STT3B: variants seen among roughly 807,000 people sequenced by gnomAD.
The protein encoded by STT3B is dolichyl-diphosphooligosaccharide--protein glycosyltransferase subunit STT3B.
STT3B carries 29 observed loss-of-function variants against 96.8 expected under a neutral mutation model. The ratio of observed to expected loss-of-function variants is 0.30; its 90% CI spans 0.22 to 0.41. The LOEUF is 0.41. Ranked by LOEUF, STT3B falls within the 10% of genes least tolerant of loss-of-function variation. The pLI is 1.00. For missense variants in STT3B, 640 were observed against 1,022.3 expected (o/e 0.63, Z 5.10); for synonymous variants, 367 against 360.0 (o/e 1.02, Z -0.22).
At chr3:31,629,023 T>G (rs1429112026) in intron 13 of STT3B, among the ~76,000 whole-genome samples, 1 of 152,136 alleles carries the variant, frequency 6.6e-6, no homozygotes, top group African/African-American at 2.4e-5. Flanking sequence ...GGAGGATTGC[T>G]TGAGCCCAGG....
At position 31,560,972 on chromosome 3, in the gene STT3B, G is replaced by T. The variant is rs1309569424; in HGVS notation, c.315-15424G>T. 2.0e-5 allele frequency among the ~76,000 whole-genome samples: 3 copies of T among 151,850 alleles called. No homozygotes were observed. In the East Asian group the frequency reaches 5.8e-4, roughly 29 times the overall value. Reference sequence around the variant, plus strand: ...TATTTCTTTATTTTTGTCTGACTAGGTTATTTCAAAAGACTTGTCTAAGTT... The same window carrying T: ...TATTTCTTTATTTTTGTCTGACTAGTTTATTTCAAAAGACTTGTCTAAGTT... On this transcript the variant is annotated intron_variant, in intron 1 of 15. Coordinates refer to ENST00000295770, the MANE Select transcript of STT3B (RefSeq NM_178862.3).
chr3:31,627,055 G>C (rs1196798242), intron 13 of STT3B, among the ~76,000 whole-genome samples: 1 of 152,026 alleles, frequency 6.6e-6, no homozygotes, highest in Non-Finnish European at 1.5e-5. Context: ...CTCTCCAAAA[G>C]CCCTTTTCTG....
chr3:31,626,067 T>C lies in STT3B; in HGVS notation c.2013T>C (p.Asp671=), dbSNP rs771254004. 1 of 1,613,840 alleles carries C rather than the reference T, an allele frequency of 6.2e-7. No individual in the cohort carries two copies. The highest frequency in any genetic ancestry group is 1.7e-5 in the Admixed American group (1 of 60,020). The change falls in exon 13 of 16, where the codon GAT becomes GAC. Residue 671 remains aspartate, a synonymous_variant. Coordinates refer to ENST00000295770, the MANE Select transcript of STT3B (RefSeq NM_178862.3). ...GGGTTATTGGCTATTCTGGTGATGA[T>C]ATCAACAAATTTCTCTGGATGGTTA... The part of the protein sequence containing the change: ...FGGVIGYSGD[D]INKFLWMVRI...
rs1355979541 is a variant in STT3B at position 31,622,217 on chromosome 3, A to G, written c.1448A>G (p.Tyr483Cys). 1 of 1,614,106 alleles carries G rather than the reference A, an allele frequency of 6.2e-7. No individual in the cohort carries two copies. The highest frequency in any genetic ancestry group is 2.2e-5 in the East Asian group (1 of 44,874). Residue 483 changes from tyrosine to cysteine, a missense_variant, in exon 10 of 16, where the codon TAT (tyrosine) becomes TGT (cysteine). Tyr to Cys is a radical substitution (Grantham distance 194). Coordinates refer to ENST00000295770, the MANE Select transcript of STT3B (RefSeq NM_178862.3). ...GCCTTTTCAAATGTTTTTGAGCACTATTTGGGGGATGACATGAAAAGGGAA... is the reference window on the plus strand; with the variant it reads ...GCCTTTTCAAATGTTTTTGAGCACTGTTTGGGGGATGACATGAAAAGGGAA... Reference protein sequence around the residue: ...AIAFSNVFEHYLGDDMKRENP... With the variant: ...AIAFSNVFEHCLGDDMKRENP...
At chr3:31,604,031 T>C (rs1559382845) in intron 5 of STT3B, among the ~76,000 whole-genome samples, 1 of 152,166 alleles carries the variant, frequency 6.6e-6, no homozygotes, top group Non-Finnish European at 1.5e-5. Flanking sequence ...TAGATTAGGT[T>C]AGTAATTTAA....
chr3:31,616,516 A>G (rs1699309626), intron 6 of STT3B, among the ~76,000 whole-genome samples: 1 of 151,904 alleles, frequency 6.6e-6, no homozygotes, highest in South Asian at 2.1e-4. Flanking sequence ...ATATATCAAG[A>G]TTATCCTGAT....
intron 1 of STT3B, among the ~76,000 whole-genome samples, chr3:31,545,285 T>C (rs1697377907): frequency 6.6e-6 from 1 of 152,222 alleles, no homozygotes; most frequent in Non-Finnish European, 1.5e-5. Context: ...AATACTTTAT[T>C]TTGGCTGTTA....
chr3:31,583,207 T>C (rs1698451046), intron 3 of STT3B, among the ~76,000 whole-genome samples: 1 of 152,238 alleles, frequency 6.6e-6, no homozygotes, highest in Admixed American at 6.5e-5. Flanking sequence ...TTTGATGGTC[T>C]GTTATCAGGT....
At chr3:31,624,851 T>A in intron 11 of STT3B, 63 bp from the exon 12 acceptor site, 1 of 1,367,978 alleles carries the variant, frequency 7.3e-7, no homozygotes, top group Non-Finnish European at 1.0e-6. Context: ...TACCTCAAGA[T>A]TTTAAGTTAG....
At chr3:31,623,543 G>C (rs1699472502) in intron 10 of STT3B, 131 bp from the exon 11 acceptor site, 1 of 678,946 alleles carries the variant, frequency 1.5e-6, no homozygotes, top group Non-Finnish European at 2.4e-6. Context: ...AAGAATATCT[G>C]ATGGTTATAC....
At chr3:31,591,818 A>G (rs1351703844) in intron 3 of STT3B, among the ~76,000 whole-genome samples, 2 of 152,082 alleles carry the variant, frequency 1.3e-5, no homozygotes, top group African/African-American at 4.8e-5. Context: ...AGTATTCTTT[A>G]TTCTGTCCCA....
intron 3 of STT3B, among the ~76,000 whole-genome samples, chr3:31,584,315 T>C (rs1698487842): frequency 2.6e-5 from 4 of 152,220 alleles, no homozygotes; most frequent in African/African-American, 9.6e-5. Flanking sequence ...CCGCACAGTT[T>C]TGGTTACTGT....
At chr3:31,634,538 C>T (rs1301264593) in intron 15 of STT3B, among the ~76,000 whole-genome samples, 1 of 152,154 alleles carries the variant, frequency 6.6e-6, no homozygotes, top group Non-Finnish European at 1.5e-5. Flanking sequence ...ATGTTTTGTA[C>T]TAACACTATG....
At chr3:31,622,347 C>T in intron 10 of STT3B, 39 bp downstream of exon 10, 2 of 1,536,204 alleles carry the variant, frequency 1.3e-6, no homozygotes, top group Non-Finnish European at 1.8e-6. Flanking sequence ...TTGTCTATGT[C>T]CTTTCTTAAT....
At chr3:31,622,785 A>G (rs1699456200) in intron 10 of STT3B, among the ~76,000 whole-genome samples, 1 of 152,170 alleles carries the variant, frequency 6.6e-6, no homozygotes, top group South Asian at 2.1e-4. Context: ...AAAACCCTCC[A>G]GTTCGTTAGC....
At chr3:31,566,282 A>T (rs1698003889) in intron 1 of STT3B, among the ~76,000 whole-genome samples, 1 of 152,198 alleles carries the variant, frequency 6.6e-6, no homozygotes, top group Non-Finnish European at 1.5e-5. Context: ...ATCATGCTTA[A>T]GAATGTGGGC....
intron 13 of STT3B, among the ~76,000 whole-genome samples, chr3:31,628,016 A>G (rs1369545381): frequency 1.3e-5 from 2 of 151,886 alleles, no homozygotes; most frequent in African/African-American, 4.8e-5. Context: ...CCCCCTAAAA[A>G]AAAAAAAGTT....
chr3:31,627,112 G>T (rs944673178), intron 13 of STT3B, among the ~76,000 whole-genome samples: 39 of 152,060 alleles, frequency 2.6e-4, no homozygotes, highest in Admixed American at 2.2e-3. Context: ...TACCTGTTTT[G>T]CAGGAGTCCC....
chr3:31,555,101 C>T (rs1697671737), intron 1 of STT3B, among the ~76,000 whole-genome samples: 2 of 152,066 alleles, frequency 1.3e-5, no homozygotes, highest in African/African-American at 4.8e-5. Flanking sequence ...ATCAGCATAC[C>T]TGGTTTTTGT....
Sources: allele counts gnomAD v4.1 joint callset (sites outside exome capture counted in the v4.1 genomes callset), GRCh38; gene constraint gnomAD v4.1.1; transcripts MANE v1.5; gene names NCBI Gene and HGNC (gene_info 2026-07-23, HGNC 2026-07-21).